PCDHGA7: variants seen among roughly 807,000 people sequenced by gnomAD.
PCDHGA7 encodes the protein protocadherin gamma subfamily A, 7, also known as protocadherin gamma-A7.
A neutral mutation model predicts 58.3 loss-of-function variants in PCDHGA7; 44 were observed. That is an observed-to-expected ratio of 0.75 (90% CI 0.59 to 0.97). PCDHGA7 has a LOEUF of 0.97. Among genes scored for constraint, PCDHGA7 ranks in the 50% least tolerant of loss-of-function variants. PCDHGA7 has a pLI of 0.00. For synonymous variants in PCDHGA7, 516 were observed against 504.2 expected, an observed-to-expected ratio of 1.02 and a Z score of -0.31; for missense variants, 1,266 against 1,188.7, an observed-to-expected ratio of 1.06 and a Z score of -0.96.
In PCDHGA7 at chr5:141,510,915, A is replaced by G; in HGVS notation, c.2573-32A>G. 8 of 1,613,786 alleles carry G rather than the reference A, an allele frequency of 5.0e-6. No individual in the cohort carries two copies. The South Asian group carries it at 8.8e-5, about 18-fold the overall frequency. ...AGTGACTGTTGAGGACCCTAAGTTT[A>G]GCTCCCACCTGATCTTCCTCTGTCT... On this transcript the variant is annotated intron_variant, in intron 3 of 3. Coordinates refer to ENST00000518325, the MANE Select transcript of PCDHGA7 (RefSeq NM_018920.4).
chr5:141,476,157 G>A lies in PCDHGA7; in HGVS notation c.2425-18650G>A. On this transcript the variant is annotated intron_variant, in intron 1 of 3. Transcript: ENST00000518325. The surrounding 1 kb of genome is among the most constrained non-coding windows in gnomAD (Gnocchi z 7.6). ...TGGAGGAGCGGACTGGTAAGCACCG[G>A]GAGGGTAGTGGGAGTTTTGCTTCTG... 1 of 1,612,752 alleles carries A rather than the reference G, an allele frequency of 6.2e-7. No homozygotes were observed. Among genetic ancestry groups the A allele is most frequent in the Non-Finnish European group, 8.5e-7 (1 of 1,179,898 alleles).
chr5:141,428,310 G>A (rs2097132610), intron 1 of PCDHGA7: 1 of 671,630 alleles, frequency 1.5e-6, no homozygotes, highest in Admixed American at 2.2e-5. Context: ...ACCTGGTCGT[G>A]GCCTTGGCCT....
intron 1 of PCDHGA7, among the ~76,000 whole-genome samples, chr5:141,464,221 C>T (rs570804761): frequency 2.9e-4 from 44 of 149,624 alleles, no homozygotes; most frequent in African/African-American, 9.6e-4. Flanking sequence ...GCTGAGATTG[C>T]GCCACTGCAC....
Position 141,418,146 on chromosome 5 carries a change from G to A in PCDHGA7, c.2424+32823G>A, listed in dbSNP as rs755513829. The A allele has an allele frequency of 1.1e-5, 18 of 1,613,970 alleles. No homozygotes were observed. In the South Asian group the frequency reaches 1.6e-4, roughly 15 times the overall value. ...GACCGAATAGACCGTGAGCAAATAT[G>A]CAAAGAGAGAAGAAGATGTGAGTTG... is the stretch of plus-strand genomic sequence containing the variant. On this transcript the variant is annotated intron_variant, in intron 1 of 3. Transcript: ENST00000518325.
chr5:141,433,234 C>T (rs773942024), intron 1 of PCDHGA7: 3 of 1,512,746 alleles, frequency 2.0e-6, no homozygotes, highest in Middle Eastern at 1.8e-4. Flanking sequence ...TGCTCTGTCT[C>T]CCAAGCTGGA....
chr5:141,398,985 A>C, intron 1 of PCDHGA7: 2 of 1,613,964 alleles, frequency 1.2e-6, no homozygotes, highest in Non-Finnish European at 1.7e-6. Context: ...GAACCGGGCA[A>C]ATCTTTAGTC....
rs554003983 is a variant in PCDHGA7, at chr5:141,415,548, A to T, written c.2424+30225A>T. 10 of 1,614,160 alleles carry T rather than the reference A, an allele frequency of 6.2e-6. No individual in the cohort carries two copies. The East Asian group carries it at 1.8e-4, about 29-fold the overall frequency. ...TCATCAGCCAGGAGAGCTGTGAGAA[A>T]AACGATCCTTTGTCTTTGTTAGATG... On this transcript the variant is annotated intron_variant, in intron 1 of 3. Coordinates refer to ENST00000518325, the MANE Select transcript of PCDHGA7 (RefSeq NM_018920.4).
At chr5:141,506,923 C>T (rs1414595306) in intron 3 of PCDHGA7, among the ~76,000 whole-genome samples, 4 of 152,184 alleles carry the variant, frequency 2.6e-5, no homozygotes, top group African/African-American at 9.7e-5. Context: ...ACATACTAAA[C>T]AAACTTTAGG....
chr5:141,433,199 A>G (rs2097574804), intron 1 of PCDHGA7: 1 of 1,579,570 alleles, frequency 6.3e-7, no homozygotes, highest in Non-Finnish European at 8.6e-7. Context: ...TTTATATCAA[A>G]TCTTCTTTCT....
At chr5:141,433,084 T>G in intron 1 of PCDHGA7, 1 of 1,614,184 alleles carries the variant, frequency 6.2e-7, no homozygotes, top group Non-Finnish European at 8.5e-7. Flanking sequence ...AGCCCAACTA[T>G]GCAGACATGC....
chr5:141,406,258 G>C (rs895877034), intron 1 of PCDHGA7, among the ~76,000 whole-genome samples: 13 of 151,882 alleles, frequency 8.6e-5, no homozygotes, highest in South Asian at 2.1e-4. Flanking sequence ...GGTCTCAAAC[G>C]ATCTTCCTGC....
intron 2 of PCDHGA7, among the ~76,000 whole-genome samples, chr5:141,502,759 C>T (rs535899844): frequency 9.9e-5 from 15 of 152,130 alleles, no homozygotes; most frequent in African/African-American, 3.6e-4. Context: ...CATGTATTTG[C>T]TGGTATTCTT....
At chr5:141,413,124 AAC>A in intron 1 of PCDHGA7, 2 of 1,528,020 alleles carry the variant, frequency 1.3e-6, no homozygotes, top group Non-Finnish European at 1.8e-6. Flanking sequence ...AACCGGTTGA[AAC>A]ACACAACGTG....
intron 1 of PCDHGA7, chr5:141,388,760 G>T: frequency 6.2e-7 from 1 of 1,613,930 alleles, no homozygotes; most frequent in Non-Finnish European, 8.5e-7. Flanking sequence ...AATTTGACCT[G>T]AACTCTAACA....
In PCDHGA7 at chr5:141,385,172, C is replaced by T. The variant is rs1013319688; in HGVS notation, c.2273C>T (p.Ser758Phe). 1 of 1,614,092 alleles carries T rather than the reference C, an allele frequency of 6.2e-7. No homozygotes were observed. Among genetic ancestry groups the T allele is most frequent in the African/African-American group, 1.3e-5 (1 of 74,938 alleles). The change falls in exon 1 of 4, where the codon TCC (serine) becomes TTC (phenylalanine). Residue 758 changes from serine to phenylalanine, a missense_variant. Transcript: ENST00000518325. The part of the protein sequence containing the change: ...AFLQTYSHEV[S>F]LTADSRKSHL... The stretch of plus-strand genomic sequence containing the variant: ...CTGCAGACCTATTCCCATGAGGTCT[C>T]CCTCACCGCGGACTCTCGGAAGAGT...
chr5:141,394,022 A>G (rs1210359800), intron 1 of PCDHGA7: 1 of 1,613,552 alleles, frequency 6.2e-7, no homozygotes, highest in South Asian at 1.1e-5. Flanking sequence ...ATTATTATAG[A>G]TTAGTGACAA....
At chr5:141,413,086 A>T in intron 1 of PCDHGA7, 1 of 1,344,152 alleles carries the variant, frequency 7.4e-7, no homozygotes, top group Non-Finnish European at 1.0e-6. Flanking sequence ...GGCTACAGAG[A>T]CACCCTGAAG....
At chr5:141,510,408 T>C (rs1447722710) in intron 3 of PCDHGA7, among the ~76,000 whole-genome samples, 1 of 151,878 alleles carries the variant, frequency 6.6e-6, no homozygotes, top group African/African-American at 2.4e-5. Flanking sequence ...GCTAGGGGCA[T>C]GTAAAGCCAT....
rs963028251 is a variant in PCDHGA7 at position 141,385,067 on chromosome 5, G to A, written c.2168G>A (p.Arg723His). ...AGGCTGCGGCGCTGGCACAAGTCAC[G>A]CCTGCTGCAGGCTTCAGAAGGTGGC... is the stretch of plus-strand genomic sequence containing the variant. ...ALRLRRWHKS[R>H]LLQASEGGLA... The change falls in exon 1 of 4, where the codon CGC (arginine) becomes CAC (histidine). Residue 723 changes from arginine (R) to histidine (H), a missense_variant. Coordinates refer to ENST00000518325, the MANE Select transcript of PCDHGA7 (RefSeq NM_018920.4). 1.9e-6 allele frequency: 3 copies of A among 1,614,158 alleles called. No individual in the cohort carries two copies. The highest frequency in any genetic ancestry group is 2.5e-6 in the Non-Finnish European group (3 of 1,180,032).
Sources: gnomAD v4.1 joint callset for allele counts (sites outside exome capture counted in the v4.1 genomes callset) on GRCh38, gnomAD v4.1.1 for gene constraint, Gnocchi (gnomAD v3.1) non-coding constraint, MANE v1.5 for transcripts, NCBI Gene and HGNC (gene_info 2026-07-23, HGNC 2026-07-21) for gene names.